Variants in ITGB1 observed in about 807,000 individuals in gnomAD.
The protein encoded by ITGB1 is integrin beta-1.
In ITGB1, 24 loss-of-function variants were observed where a neutral mutation model predicts 86.5. The ratio of observed to expected loss-of-function variants is 0.28; its 90% CI spans 0.20 to 0.39. The LOEUF (loss-of-function observed/expected upper bound fraction) is 0.39, where lower values mean the gene tolerates loss of function less well. Ranked by LOEUF, ITGB1 falls within the 10% of genes least tolerant of loss-of-function variation. ITGB1 has a pLI of 1.00. For synonymous variants in ITGB1, 323 were observed against 316.8 expected (o/e 1.02, Z -0.21); for missense variants, 556 against 946.9 (o/e 0.59, Z 5.42).
chr10:32,910,468 AC>A lies in ITGB1; in HGVS notation c.1932-14del. On this transcript the variant is annotated splice_polypyrimidine_tract_variant and intron_variant, in intron 13 of 15. Transcript: ENST00000302278. ...CTGAACACATTCTCTGTTACAAAAA[AC>A]ACAAATTATGATATTTACATTTTAT... is the stretch of plus-strand genomic sequence containing the variant. The A allele has an allele frequency of 6.6e-7, 1 of 1,505,612 alleles. No homozygotes were observed. Among genetic ancestry groups the A allele is most frequent in the Non-Finnish European group, 9.1e-7 (1 of 1,096,024 alleles). 93.3% of individuals were successfully genotyped at this position (1,505,612 alleles called of 1,614,324 possible). A position where few individuals can be genotyped will look rare whatever the true frequency, so the allele number is the denominator to read the frequency against.
chr10:32,956,926 G>T (rs1471583784), intron 1 of ITGB1, among the ~76,000 whole-genome samples: 1 of 152,164 alleles, frequency 6.6e-6, no homozygotes, highest in Non-Finnish European at 1.5e-5. Flanking sequence ...CTATAGTTAG[G>T]AAGGTTACTT....
At position 32,910,403 on chromosome 10, in the gene ITGB1, T is replaced by C. The variant is rs762685966; in HGVS notation, c.1984A>G (p.Thr662Ala). 1 of 1,603,324 alleles carries C rather than the reference T, an allele frequency of 6.2e-7. No individual in the cohort carries two copies. Among genetic ancestry groups the C allele is most frequent in the Admixed American group, 1.7e-5 (1 of 59,008 alleles). ...FNKGEKKDTC[T>A]QECSYFNITK... ...ATGTTAAAATAGGAACATTCCTGTG[T>C]GCATGTGTCTTTCTTTTCTCCTTTA... The change falls in exon 14 of 16, where the codon ACA (threonine) becomes GCA (alanine). Residue 662 changes from threonine (T) to alanine (A), a missense_variant. Thr to Ala is a moderately conservative substitution (Grantham distance 58). Around this residue, in one of 4 missense-constraint regions of ITGB1, gnomAD observed 330 missense variants for 531.5 expected, o/e 0.62. Transcript: ENST00000302278.
chr10:32,932,677 G>T, intron 2 of ITGB1, 77 bp from the exon 3 acceptor site: 1 of 842,262 alleles, frequency 1.2e-6, no homozygotes, highest in South Asian at 1.4e-5. Context: ...GAATCACAAT[G>T]ACAATGCAAT....
intron 11 of ITGB1, among the ~76,000 whole-genome samples, chr10:32,919,630 T>C (rs950537935): frequency 2.0e-5 from 3 of 152,202 alleles, no homozygotes; most frequent in African/African-American, 7.2e-5. Context: ...CTTAACAATT[T>C]GTTGAATATA....
rs967930094 is a variant in ITGB1, at chr10:32,922,361, T to C, written c.1039-15A>G. 1.2e-5 allele frequency: 19 copies of C among 1,529,518 alleles called. No individual in the cohort carries two copies. The highest frequency in any genetic ancestry group is 1.6e-5 in the Non-Finnish European group (18 of 1,106,684). The allele number at this position is 1,529,518 out of a possible 1,614,324, so 94.7% of individuals were successfully genotyped here. On this transcript the variant is annotated splice_polypyrimidine_tract_variant and intron_variant, in intron 8 of 15. Coordinates refer to ENST00000302278, the MANE Select transcript of ITGB1 (RefSeq NM_002211.4). ...TTTTTCAGCTCCTGCAATTAAAAGA[T>C]AAAACACGTAAAATACAACTGCTAT...
chr10:32,903,351 C>CAAA lies in ITGB1; in HGVS notation c.2332-1719_2332-1717dup, dbSNP rs35559257. ...TGGGCGAAAGAGCAAGACTCCATCT[C>CAAA]AAAAAAAAAAAAAAAAAAAAAAGAG... On this transcript the variant is annotated intron_variant, in intron 15 of 15. Transcript: ENST00000302278. 4.2e-3 allele frequency among the ~76,000 whole-genome samples: 238 copies of CAAA among 56,834 alleles called. 11 individuals are homozygous for CAAA. The highest frequency in any genetic ancestry group is 0.012 in the East Asian group (17 of 1,470). The allele number at this position is 56,834 out of a possible 152,430, so 37.3% of individuals were successfully genotyped here.
At chr10:32,911,810 G>C in intron 12 of ITGB1, 76 bp downstream of exon 12, 3 of 1,433,012 alleles carry the variant, frequency 2.1e-6, no homozygotes, top group Non-Finnish European at 2.9e-6. Flanking sequence ...TTCTACTTAT[G>C]CACCAACTAA....
chr10:32,944,567 C>A, intron 1 of ITGB1: 1 of 492,704 alleles, frequency 2.0e-6, no homozygotes, highest in South Asian at 1.7e-5. Context: ...TTTCATTGAC[C>A]AAAGGAAACT....
intron 5 of ITGB1, among the ~76,000 whole-genome samples, chr10:32,926,838 A>G (rs900180206): frequency 6.6e-6 from 1 of 152,200 alleles, no homozygotes; most frequent in South Asian, 2.1e-4. Context: ...GGTATCATCT[A>G]TGAACCCAGA....
intron 13 of ITGB1, 38 bp downstream of exon 13, chr10:32,911,410 G>A: frequency 6.5e-7 from 1 of 1,539,420 alleles, no homozygotes; most frequent in Non-Finnish European, 9.0e-7. Flanking sequence ...GAGCCAAGAG[G>A]AAGTATCAAC....
chr10:32,945,003 G>C, intron 1 of ITGB1: 1 of 750,628 alleles, frequency 1.3e-6, no homozygotes, highest in South Asian at 1.5e-5. Flanking sequence ...ATTACTCCAT[G>C]AGGAGAAATG....
At chr10:32,945,592 C>A (rs561807573) in intron 1 of ITGB1, among the ~76,000 whole-genome samples, 12 of 148,812 alleles carry the variant, frequency 8.1e-5, no homozygotes, top group African/African-American at 2.8e-4. Context: ...GACCGAGACT[C>A]TGTCTCAAAA....
At position 32,925,880 on chromosome 10, in the gene ITGB1, T is replaced by G. The variant is rs1241257597; in HGVS notation, c.777A>C (p.Ala259=). 2.5e-6 allele frequency: 4 copies of G among 1,603,110 alleles called. 1 individual carries two copies. In the South Asian group the frequency reaches 4.4e-5, roughly 18 times the overall value. Reference sequence around the variant, plus strand: ...AAATGAATGCGCTTACTCCACAAACTGCAACTTGCATGATGGCATCGAAAC... The same window carrying G: ...AAATGAATGCGCTTACTCCACAAACGGCAACTTGCATGATGGCATCGAAAC... The part of the protein sequence containing the change: ...EGGFDAIMQV[A]VCGSLIGWRN... The change falls in exon 6 of 16, where the codon GCA becomes GCC. Residue 259 remains alanine (A), a synonymous_variant. Coordinates refer to ENST00000302278, the MANE Select transcript of ITGB1 (RefSeq NM_002211.4).
Position 32,945,179 on chromosome 10 carries a change from A to G in ITGB1, c.1-9621T>C, listed in dbSNP as rs190383942. ...CCAAACGAGTCAGATACTAAGATTA[A>G]TCTTTTGAAATCATCTAGTGTGTTT... On this transcript the variant is annotated intron_variant, in intron 1 of 15. Transcript: ENST00000302278. 4.6e-5 allele frequency among the ~76,000 whole-genome samples: 7 copies of G among 152,332 alleles called. No individual in the cohort carries two copies. In the East Asian group the frequency reaches 1.3e-3, roughly 29 times the overall value.
At chr10:32,916,556 CAGAG>C (rs1208682043) in intron 11 of ITGB1, among the ~76,000 whole-genome samples, 1 of 152,102 alleles carries the variant, frequency 6.6e-6, no homozygotes, top group Non-Finnish European at 1.5e-5. Flanking sequence ...AACAGACAAA[CAGAG>C]AGCCAAATTA....
At chr10:32,908,099 G>C (rs571519098) in intron 15 of ITGB1, among the ~76,000 whole-genome samples, 2 of 152,260 alleles carry the variant, frequency 1.3e-5, no homozygotes, top group African/African-American at 4.8e-5. Flanking sequence ...TGAAAAGGCA[G>C]ATTTAGGATC....
At chr10:32,909,794 A>C (rs572734429) in intron 14 of ITGB1, among the ~76,000 whole-genome samples, 2 of 152,284 alleles carry the variant, frequency 1.3e-5, no homozygotes, top group Admixed American at 1.3e-4. Flanking sequence ...TTAAAAAAAA[A>C]AAGTTTCACC....
At chr10:32,913,489 G>A (rs186324215) in intron 11 of ITGB1, among the ~76,000 whole-genome samples, 469 of 152,230 alleles carry the variant, frequency 3.1e-3, no homozygotes, top group African/African-American at 0.01. Flanking sequence ...CTGATGGAGC[G>A]GAAAACCATG....
chr10:32,907,220 G>T, intron 15 of ITGB1: 1 of 477,550 alleles, frequency 2.1e-6, no homozygotes, highest in Non-Finnish European at 3.7e-6. Context: ...CACTATAAAT[G>T]TCTTTTTTTT....
Sources: gnomAD v4.1 joint callset for allele counts (sites outside exome capture counted in the v4.1 genomes callset) on GRCh38, gnomAD v4.1.1 for gene constraint, gnomAD v4.1.1 regional missense constraint, MANE v1.5 for transcripts, NCBI Gene and HGNC (gene_info 2026-07-23, HGNC 2026-07-21) for gene names.